DIABLO: variants seen among roughly 807,000 people sequenced by gnomAD.
DIABLO encodes the protein diablo homolog, mitochondrial.
A neutral mutation model predicts 31.7 loss-of-function variants in DIABLO; 32 were observed. The ratio of observed to expected loss-of-function variants is 1.01; its 90% CI spans 0.76 to 1.35. The LOEUF (loss-of-function observed/expected upper bound fraction) is 1.35. Ranked by LOEUF, DIABLO falls within the 40% of genes most tolerant of loss-of-function variation. DIABLO has a pLI of 0.00. For synonymous variants in DIABLO, 132 were observed against 103.2 expected (o/e 1.28, Z -1.69); for missense variants, 316 against 286.4 (o/e 1.10, Z -0.75).
At chr12:122,224,771 T>C (rs751672954) in intron 1 of DIABLO, 127 bp from the exon 2 acceptor site, 2 of 1,586,440 alleles carry the variant, frequency 1.3e-6, no homozygotes, top group Non-Finnish European at 1.7e-6. Flanking sequence ...GCAGGACAGC[T>C]GAGGGGTTTT....
chr12:122,216,262 C>T (rs1422382098), intron 5 of DIABLO, among the ~76,000 whole-genome samples: 1 of 152,194 alleles, frequency 6.6e-6, no homozygotes, highest in Admixed American at 6.5e-5. Context: ...ATTTTGAAGA[C>T]ATAACCTAGC....
At chr12:122,224,709 T>C (rs764271145) in intron 1 of DIABLO, 65 bp from the exon 2 acceptor site, 19 of 1,613,568 alleles carry the variant, frequency 1.2e-5, no homozygotes, top group Middle Eastern at 1.6e-4. Flanking sequence ...TTGGATTTAC[T>C]TGCAGGGGCT....
At chr12:122,226,293 C>T (rs1266548403), upstream of DIABLO, 2 of 678,156 alleles carry the variant, frequency 2.9e-6, no homozygotes, top group Non-Finnish European at 2.7e-6. Flanking sequence ...CTGAGTCGGG[C>T]GCCGTGACGC....
chr12:122,220,157 G>A (rs1009707410), intron 2 of DIABLO, among the ~76,000 whole-genome samples: 1 of 151,816 alleles, frequency 6.6e-6, no homozygotes, highest in Non-Finnish European at 1.5e-5. Context: ...TGTTGCCCAG[G>A]CTGGTTTTGA....
chr12:122,214,107 TAAC>T (rs765431838), intron 5 of DIABLO, among the ~76,000 whole-genome samples: 41 of 151,934 alleles, frequency 2.7e-4, no homozygotes, highest in African/African-American at 7.2e-4. Context: ...ACAAAAAAAC[TAAC>T]AACAACAAAA....
intron 1 of DIABLO, chr12:122,225,516 C>T (rs1954440012): frequency 9.4e-7 from 1 of 1,064,246 alleles, no homozygotes; most frequent in Non-Finnish European, 1.1e-6. Context: ...GACGGTCCCG[C>T]TACAATCGCC....
intron 2 of DIABLO, among the ~76,000 whole-genome samples, chr12:122,219,724 ATGG>A (rs1302863356): frequency 7.3e-5 from 11 of 151,370 alleles, no homozygotes; most frequent in African/African-American, 2.7e-4. Context: ...TTAGCTGGGC[ATGG>A]TGGTGGGCAC....
chr12:122,225,859 G>A (rs1355805572), intron 1 of DIABLO, 106 bp downstream of exon 1: 6 of 1,536,492 alleles, frequency 3.9e-6, no homozygotes, highest in East Asian at 2.5e-5. Flanking sequence ...CTGGGCGGAC[G>A]AGAGATGAGC....
intron 3 of DIABLO, 154 bp from the exon 4 acceptor site, chr12:122,217,023 TA>T: frequency 1.5e-6 from 1 of 665,716 alleles, no homozygotes; most frequent in South Asian, 1.6e-5. Flanking sequence ...TCCTATGAAG[TA>T]AAGGTATCAG....
At chr12:122,214,489 G>C (rs1385104390) in intron 5 of DIABLO, among the ~76,000 whole-genome samples, 2 of 152,180 alleles carry the variant, frequency 1.3e-5, no homozygotes, top group Admixed American at 1.3e-4. Context: ...GCACAGGCAT[G>C]ATCATAGCTC....
chr12:122,220,785 A>G (rs1420561632), intron 2 of DIABLO: 1 of 152,222 alleles, frequency 6.6e-6, no homozygotes, highest in African/African-American at 2.4e-5. Flanking sequence ...AATATTTTTG[A>G]TATGAACAAA....
At chr12:122,209,682 G>T (rs1015774569) in intron 5 of DIABLO, 2 of 681,836 alleles carry the variant, frequency 2.9e-6, no homozygotes, top group Admixed American at 2.1e-5. Flanking sequence ...AAAAAAATGA[G>T]CTCTCTCATT....
chr12:122,214,879 C>T (rs999128572), intron 5 of DIABLO, among the ~76,000 whole-genome samples: 2 of 152,110 alleles, frequency 1.3e-5, no homozygotes, highest in Non-Finnish European at 2.9e-5. Flanking sequence ...TTAGTAGAGA[C>T]AGGGTTTCAC....
At chr12:122,218,621 C>A in intron 2 of DIABLO, 1 of 558,056 alleles carries the variant, frequency 1.8e-6, no homozygotes, top group Non-Finnish European at 3.2e-6. Context: ...TTCTCTGCTC[C>A]AAAAAGCAAA....
At chr12:122,225,824 A>C (rs2136110982) in intron 1 of DIABLO, 141 bp downstream of exon 1, 1 of 1,506,064 alleles carries the variant, frequency 6.6e-7, no homozygotes, top group South Asian at 1.2e-5. Context: ...AGTCCTCCCG[A>C]CCGGAGCGAG....
intron 5 of DIABLO, among the ~76,000 whole-genome samples, chr12:122,215,625 A>G (rs1392111444): frequency 6.6e-6 from 1 of 151,994 alleles, no homozygotes; most frequent in Non-Finnish European, 1.5e-5. Flanking sequence ...TTTTTCTGTG[A>G]GCCTACCTAC....
chr12:122,208,151 G>T lies in DIABLO; in HGVS notation c.*230C>A, dbSNP rs1371218077. The T allele has an allele frequency of 1.4e-6, 1 of 693,748 alleles. No homozygotes were observed. Among genetic ancestry groups the T allele is most frequent in the Non-Finnish European group, 2.6e-6 (1 of 382,426 alleles). 43.0% of individuals were successfully genotyped at this position (693,748 alleles called of 1,614,324 possible). On this transcript the variant is annotated 3_prime_UTR_variant, in exon 6 of 6. Transcript: ENST00000464942. The stretch of plus-strand genomic sequence containing the variant: ...ATGGGTAAGAGCAGCTGTACAGAGT[G>T]GGGTGAAATGTTAAACAGGGTGCAG...
intron 4 of DIABLO, 80 bp from the exon 5 acceptor site, chr12:122,216,664 G>T: frequency 1.3e-6 from 2 of 1,547,298 alleles, no homozygotes; most frequent in Non-Finnish European, 1.8e-6. Context: ...TAGATTTAGA[G>T]AACACTGATT....
upstream of DIABLO, chr12:122,226,329 G>T (rs1293754365): frequency 9.0e-6 from 6 of 669,618 alleles, no homozygotes; most frequent in East Asian, 2.7e-5. Flanking sequence ...GACTCAGTTC[G>T]GGCCAGGGCT....
Sources: gnomAD v4.1 joint callset for allele counts (sites outside exome capture counted in the v4.1 genomes callset) on GRCh38, gnomAD v4.1.1 for gene constraint, MANE v1.5 for transcripts, NCBI Gene and HGNC (gene_info 2026-07-23, HGNC 2026-07-21) for gene names.